The following KTN1 variants were observed in gnomAD, a reference collection of about 807,000 sequenced individuals.
KTN1 encodes kinectin.
A neutral mutation model predicts 222.5 loss-of-function variants in KTN1; 130 were observed. That is an observed-to-expected ratio of 0.58 (90% CI 0.51 to 0.68). The LOEUF is 0.68. Ranked by LOEUF, KTN1 falls within the 30% of genes least tolerant of loss-of-function variation. The pLI is 0.00. For missense variants in KTN1, 1,508 were observed against 1,500.4 expected (o/e 1.01, Z -0.08); for synonymous variants, 512 against 496.3 (o/e 1.03, Z -0.42).
In KTN1 at chr14:55,641,156, T is replaced by G. The variant is rs771608054; in HGVS notation, c.2051T>G (p.Leu684Trp). 4 of 1,598,184 alleles carry G rather than the reference T, an allele frequency of 2.5e-6. No homozygotes were observed. Among genetic ancestry groups the G allele is most frequent in the Non-Finnish European group, 3.4e-6 (4 of 1,172,710 alleles). ...SVYVKDDKIR[L>W]LEEQLQHEIS... ...TATGTTAAAGATGATAAAATAAGATTGCTGGAAGAGCAACTACAACATGAA... is the reference window on the plus strand; with the variant it reads ...TATGTTAAAGATGATAAAATAAGATGGCTGGAAGAGCAACTACAACATGAA... The change falls in exon 17 of 44, where the codon TTG (leucine) becomes TGG (tryptophan). Residue 684 changes from leucine to tryptophan, a missense_variant. Physicochemically the swap from Leu to Trp is moderately conservative, Grantham distance 61. Transcript: ENST00000395314.
chr14:55,609,325 T>C (rs2037204526), intron 1 of KTN1, among the ~76,000 whole-genome samples: 2 of 152,310 alleles, frequency 1.3e-5, no homozygotes, highest in African/African-American at 4.8e-5. Context: ...GCCGAGGACA[T>C]GATCTCATTC....
At chr14:55,605,959 A>T (rs888158666) in intron 1 of KTN1, among the ~76,000 whole-genome samples, 2 of 151,394 alleles carry the variant, frequency 1.3e-5, no homozygotes, top group African/African-American at 4.8e-5. Context: ...TTGTCTGTTT[A>T]AAAAAAAATA....
chr14:55,679,552 A>G lies in KTN1; in HGVS notation c.3949-13A>G. 6.3e-7 allele frequency: 1 copy of G among 1,597,622 alleles called. No individual in the cohort carries two copies. Reference sequence around the variant, plus strand: ...GTGTATGGAGTTTATCATCACTTCCATCTTCTTTTTAGGAGTCTTCTGAGA... The same window carrying G: ...GTGTATGGAGTTTATCATCACTTCCGTCTTCTTTTTAGGAGTCTTCTGAGA... On this transcript the variant is annotated splice_polypyrimidine_tract_variant and intron_variant, in intron 42 of 43. Coordinates refer to ENST00000395314, the MANE Select transcript of KTN1 (RefSeq NM_001079521.2).
At chr14:55,591,802 C>T (rs2034198828) in intron 1 of KTN1, among the ~76,000 whole-genome samples, 1 of 151,978 alleles carries the variant, frequency 6.6e-6, no homozygotes, top group African/African-American at 2.4e-5. Context: ...TCTCGGACTC[C>T]CGACCTCAGG....
At chr14:55,613,977 G>A (rs1466415558) in intron 2 of KTN1, among the ~76,000 whole-genome samples, 1 of 152,176 alleles carries the variant, frequency 6.6e-6, no homozygotes, top group Non-Finnish European at 1.5e-5. Context: ...CAGTTCCTGA[G>A]CATTGAATCG....
chr14:55,662,378 C>A (rs1430187263), intron 32 of KTN1, among the ~76,000 whole-genome samples: 2 of 152,074 alleles, frequency 1.3e-5, no homozygotes, highest in Admixed American at 1.3e-4. Context: ...CCAGAACCTC[C>A]CATTTTTAAC....
At chr14:55,622,902 C>T (rs943141827) in intron 5 of KTN1, among the ~76,000 whole-genome samples, 6 of 152,200 alleles carry the variant, frequency 3.9e-5, no homozygotes, top group African/African-American at 7.2e-5. Context: ...TCTGCAGCCT[C>T]ATCTAATGAC....
chr14:55,654,049 G>A (rs2043204025), intron 28 of KTN1, among the ~76,000 whole-genome samples: 1 of 152,122 alleles, frequency 6.6e-6, no homozygotes, highest in Non-Finnish European at 1.5e-5. Flanking sequence ...AATGGAACTT[G>A]TCATATTATC....
In KTN1 at chr14:55,636,484, A is replaced by C. The variant is rs771588231; in HGVS notation, c.1497A>C (p.Glu499Asp). 6.2e-7 allele frequency: 1 copy of C among 1,611,542 alleles called. No homozygotes were observed. Among genetic ancestry groups the C allele is most frequent in the East Asian group, 2.2e-5 (1 of 44,814 alleles). ...AAGAAGCTGAGAGAAGGTGGGAAGA[A>C]GTTCAGAGCTACATCAGGAAGAGAA... is the stretch of plus-strand genomic sequence containing the variant. ...QLQEAERRWE[E>D]VQSYIRKRTA... Residue 499 changes from glutamate (E) to aspartate (D), a missense_variant, in exon 10 of 44, where the codon GAA becomes GAC. By Grantham distance (45) the Glu-to-Asp change is conservative (BLOSUM62 2). Coordinates refer to ENST00000395314, the MANE Select transcript of KTN1 (RefSeq NM_001079521.2).
At chr14:55,683,179 G>A (rs754465426) in intron 43 of KTN1, 38 of 152,246 alleles carry the variant, frequency 2.5e-4, no homozygotes, top group Admixed American at 1.4e-3. Context: ...GCACTTTAGA[G>A]TTTAATGTAC....
intron 19 of KTN1, 22 bp from the exon 20 acceptor site, chr14:55,648,003 T>A: frequency 1.0e-6 from 1 of 996,750 alleles, no homozygotes; most frequent in Non-Finnish European, 1.5e-6. Flanking sequence ...TTAATACATG[T>A]GTTACAAATT....
chr14:55,670,843 A>T, intron 35 of KTN1, 34 bp downstream of exon 35: 4 of 1,405,360 alleles, frequency 2.8e-6, no homozygotes, highest in Non-Finnish European at 4.0e-6. Flanking sequence ...TGTAATTTAA[A>T]CATAGAAAAA....
intron 43 of KTN1, chr14:55,683,800 C>T (rs1240904923): frequency 1.0e-5 from 3 of 293,506 alleles, no homozygotes; most frequent in Non-Finnish European, 1.9e-5. Context: ...TACTCACTCA[C>T]TTTAGCTTTA....
At chr14:55,599,864 T>C (rs2035697915) in intron 1 of KTN1, among the ~76,000 whole-genome samples, 1 of 152,144 alleles carries the variant, frequency 6.6e-6, no homozygotes, top group African/African-American at 2.4e-5. Context: ...CTCTTGTGTC[T>C]TTTTCTCTTT....
intron 32 of KTN1, 144 bp downstream of exon 32, chr14:55,661,756 C>CG (rs1408439262): frequency 7.0e-6 from 3 of 429,826 alleles, no homozygotes; most frequent in Non-Finnish European, 1.3e-5. Context: ...GTAGTTTTTT[C>CG]GGGGGGCGGG....
intron 7 of KTN1, among the ~76,000 whole-genome samples, chr14:55,630,456 G>A (rs935024260): frequency 3.3e-5 from 5 of 152,176 alleles, no homozygotes; most frequent in African/African-American, 1.2e-4. Context: ...GGGCACTGAG[G>A]ATAAGAGTTA....
rs139286163 is a variant in KTN1, at chr14:55,619,501, C to T, written c.963+189C>T. Among the ~76,000 whole-genome samples, 26 of 152,130 alleles carry T rather than the reference C, an allele frequency of 1.7e-4. No individual in the cohort carries two copies. The East Asian group carries it at 3.5e-3, about 20-fold the overall frequency. Reference sequence around the variant, plus strand: ...TTCATGCCGCTGATAAAGAGATACCCGAGACTGGGTAATTTATAAAGAAAA... The same window carrying T: ...TTCATGCCGCTGATAAAGAGATACCTGAGACTGGGTAATTTATAAAGAAAA... On this transcript the variant is annotated intron_variant, in intron 5 of 43. Coordinates refer to ENST00000395314, the MANE Select transcript of KTN1 (RefSeq NM_001079521.2).
intron 29 of KTN1, among the ~76,000 whole-genome samples, chr14:55,657,052 C>T (rs555028095): frequency 6.6e-6 from 1 of 151,814 alleles, no homozygotes; most frequent in African/African-American, 2.4e-5. Context: ...TAGATGCCTA[C>T]ATTGTCTTGG....
At chr14:55,662,422 G>A (rs1460656912) in intron 32 of KTN1, among the ~76,000 whole-genome samples, 1 of 152,058 alleles carries the variant, frequency 6.6e-6, no homozygotes, top group Non-Finnish European at 1.5e-5. Context: ...AATTAAGTGT[G>A]TTAGAGGCTT....
Sources: allele counts gnomAD v4.1 joint callset (sites outside exome capture counted in the v4.1 genomes callset), GRCh38; gene constraint gnomAD v4.1.1; transcripts MANE v1.5; gene names NCBI Gene and HGNC (gene_info 2026-07-23, HGNC 2026-07-21).